KIF2A: variants seen among roughly 807,000 people sequenced by gnomAD.
The protein encoded by KIF2A is kinesin family member 2A.
A neutral mutation model predicts 100.2 loss-of-function variants in KIF2A; 22 were observed. The ratio of observed to expected loss-of-function variants is 0.22; its 90% CI spans 0.16 to 0.31. The LOEUF (loss-of-function observed/expected upper bound fraction) is 0.31, where lower values mean the gene tolerates loss of function less well. KIF2A is among the 10% of genes least tolerant of loss of function. KIF2A has a pLI of 1.00. For missense variants in KIF2A, 495 were observed against 898.7 expected (o/e 0.55, Z 5.74); for synonymous variants, 268 against 285.9 (o/e 0.94, Z 0.63).
chr5:62,335,417 C>T (rs961993563), intron 1 of KIF2A, among the ~76,000 whole-genome samples: 11 of 152,142 alleles, frequency 7.2e-5, no homozygotes, highest in African/African-American at 2.4e-4. Context: ...AGTAGAGACG[C>T]CACTCTGTCC....
intron 14 of KIF2A, among the ~76,000 whole-genome samples, chr5:62,364,276 G>T (rs766999005): frequency 1.3e-4 from 19 of 151,854 alleles, no homozygotes; most frequent in Non-Finnish European, 2.5e-4. Context: ...GCCTCTCCAG[G>T]AGCTGGGATT....
chr5:62,354,901 A>G (rs775763794), intron 6 of KIF2A, among the ~76,000 whole-genome samples: 3 of 152,142 alleles, frequency 2.0e-5, no homozygotes, highest in Non-Finnish European at 4.4e-5. Context: ...GGTAACTTCA[A>G]TGAAGAGTCC....
chr5:62,389,622 T>G lies in KIF2A; in HGVS notation c.*4053T>G, dbSNP rs894214534. On this transcript the variant is annotated 3_prime_UTR_variant, in exon 21 of 21. Coordinates refer to ENST00000407818, the MANE Select transcript of KIF2A (RefSeq NM_001098511.3). ...ATTTGACTAAAATTATCTTAGACTTTCATTATCCCAGGCCTAAGAACTCAC... is the reference window on the plus strand; with the variant it reads ...ATTTGACTAAAATTATCTTAGACTTGCATTATCCCAGGCCTAAGAACTCAC... 2.0e-5 allele frequency among the ~76,000 whole-genome samples: 3 copies of G among 152,162 alleles called. No homozygotes were observed. Among genetic ancestry groups the G allele is most frequent in the Non-Finnish European group, 4.4e-5 (3 of 68,020 alleles).
At chr5:62,314,763 T>G (rs1022060334) in intron 1 of KIF2A, among the ~76,000 whole-genome samples, 1 of 146,214 alleles carries the variant, frequency 6.8e-6, no homozygotes, top group African/African-American at 2.5e-5. Flanking sequence ...GAACTGTTTT[T>G]TTTTTTTTTT....
rs756264589 is a variant in KIF2A, at chr5:62,390,709, T to C, written c.*5140T>C. On this transcript the variant is annotated 3_prime_UTR_variant, in exon 21 of 21. Coordinates refer to ENST00000407818, the MANE Select transcript of KIF2A (RefSeq NM_001098511.3). ...AAGAAAATGTTCATTCTGCTGCAGC[T>C]AACTAGCCTCCATCTTCTACACCAA... Among the ~76,000 whole-genome samples the C allele has an allele frequency of 1.1e-4, 16 of 152,182 alleles. No individual in the cohort carries two copies. Among genetic ancestry groups the C allele is most frequent in the Non-Finnish European group, 2.2e-4 (15 of 68,028 alleles).
Position 62,391,019 on chromosome 5 carries a change from T to G in KIF2A, c.*5450T>G. 1 of 1,557,048 alleles carries G rather than the reference T, an allele frequency of 6.4e-7. No homozygotes were observed. Among genetic ancestry groups the G allele is most frequent in the Non-Finnish European group, 8.9e-7 (1 of 1,128,394 alleles). Reference sequence around the variant, plus strand: ...AGATTCAGAATAAATGAACGACATATCTTTAATGAGGTCACCTTGACTCTT... The same window carrying G: ...AGATTCAGAATAAATGAACGACATAGCTTTAATGAGGTCACCTTGACTCTT... On this transcript the variant is annotated 3_prime_UTR_variant, in exon 21 of 21. Transcript: ENST00000407818.
At chr5:62,326,040 G>C (rs1746360076) in intron 1 of KIF2A, among the ~76,000 whole-genome samples, 1 of 152,090 alleles carries the variant, frequency 6.6e-6, no homozygotes, top group South Asian at 2.1e-4. Flanking sequence ...CTACCTGGGT[G>C]ATGGGATCAT....
chr5:62,323,522 CAAA>C (rs1393184393), intron 1 of KIF2A, among the ~76,000 whole-genome samples: 1 of 108,692 alleles, frequency 9.2e-6, no homozygotes, highest in Non-Finnish European at 1.9e-5. Flanking sequence ...GACTCTGTCT[CAAA>C]GAAAAAAAAA....
chr5:62,368,536 G>T (rs1169359731), intron 16 of KIF2A, among the ~76,000 whole-genome samples: 1 of 152,068 alleles, frequency 6.6e-6, no homozygotes, highest in African/African-American at 2.4e-5. Flanking sequence ...CAGTGCTTTT[G>T]GTGGCCCAGG....
At chr5:62,349,676 A>G (rs879911419) in intron 3 of KIF2A, among the ~76,000 whole-genome samples, 3 of 152,214 alleles carry the variant, frequency 2.0e-5, no homozygotes, top group African/African-American at 4.8e-5. Context: ...TCTAGAACTA[A>G]TATTTTATAA....
At chr5:62,322,683 T>C (rs1014070420) in intron 1 of KIF2A, among the ~76,000 whole-genome samples, 1 of 151,880 alleles carries the variant, frequency 6.6e-6, no homozygotes, top group Non-Finnish European at 1.5e-5. Flanking sequence ...GTTACCAGAG[T>C]TGAAGGGTGG....
rs976516814 is a variant in KIF2A, at chr5:62,388,110, A to C, written c.*2541A>C. The C allele has an allele frequency of 6.6e-6, 1 of 152,178 alleles. No individual in the cohort carries two copies. The highest frequency in any genetic ancestry group is 6.5e-5 in the Admixed American group (1 of 15,280). 9.4% of individuals were successfully genotyped at this position (152,178 alleles called of 1,614,324 possible). On this transcript the variant is annotated 3_prime_UTR_variant, in exon 21 of 21. Coordinates refer to ENST00000407818, the MANE Select transcript of KIF2A (RefSeq NM_001098511.3). ...TTGAAATTCTCAGTCTGACAGTTTTAAAATAGCTTAAAACTAAGCACCAGG... is the reference window on the plus strand; with the variant it reads ...TTGAAATTCTCAGTCTGACAGTTTTCAAATAGCTTAAAACTAAGCACCAGG...
chr5:62,345,842 T>A (rs189998777), intron 1 of KIF2A, among the ~76,000 whole-genome samples: 1 of 152,252 alleles, frequency 6.6e-6, no homozygotes, highest in Non-Finnish European at 1.5e-5. Context: ...TAGGAAATAT[T>A]GAAGATGCAG....
chr5:62,376,422 G>C (rs1444949984), intron 18 of KIF2A, among the ~76,000 whole-genome samples: 1 of 151,686 alleles, frequency 6.6e-6, no homozygotes, highest in African/African-American at 2.4e-5. Flanking sequence ...TTGTTTGTTT[G>C]TTTGTTTGTT....
intron 19 of KIF2A, among the ~76,000 whole-genome samples, chr5:62,378,920 C>CTA (rs1034909483): frequency 2.0e-5 from 3 of 151,940 alleles, no homozygotes; most frequent in South Asian, 2.1e-4. Flanking sequence ...AACAAAAACT[C>CTA]TAGAGTTTTA....
intron 18 of KIF2A, 123 bp downstream of exon 18, chr5:62,373,960 C>G: frequency 2.6e-6 from 2 of 777,668 alleles, no homozygotes; most frequent in African/African-American, 3.5e-5. Context: ...AGCTTGTAAT[C>G]TCACCAATTT....
chr5:62,338,801 C>T (rs1046925686), intron 1 of KIF2A, among the ~76,000 whole-genome samples: 1 of 151,964 alleles, frequency 6.6e-6, no homozygotes, highest in African/African-American at 2.4e-5. Flanking sequence ...GCTATACATA[C>T]AACAAAAGAT....
chr5:62,389,314 C>T lies in KIF2A; in HGVS notation c.*3745C>T, dbSNP rs1396094671. On this transcript the variant is annotated 3_prime_UTR_variant, in exon 21 of 21. Transcript: ENST00000407818. ...CAGTCTGGCCAACATGGTGAAACCC[C>T]GTCTCTACTAAAAATACAAAAATTA... 1.3e-5 allele frequency among the ~76,000 whole-genome samples: 2 copies of T among 151,484 alleles called. No individual in the cohort carries two copies. The highest frequency in any genetic ancestry group is 4.9e-5 in the African/African-American group (2 of 41,190).
intron 17 of KIF2A, among the ~76,000 whole-genome samples, chr5:62,373,058 A>G (rs1046729251): frequency 2.1e-5 from 3 of 144,586 alleles, no homozygotes; most frequent in South Asian, 2.2e-4. Context: ...CCAAGTGGTG[A>G]AAAAAAAAAA....
Sources: allele counts gnomAD v4.1 joint callset (sites outside exome capture counted in the v4.1 genomes callset), GRCh38; gene constraint gnomAD v4.1.1; transcripts MANE v1.5; gene names NCBI Gene and HGNC (gene_info 2026-07-23, HGNC 2026-07-21).